Variants in NEGR1 observed in about 807,000 individuals in gnomAD.
NEGR1 encodes the protein IgLON family member 4.
In NEGR1, 10 loss-of-function variants were observed where a neutral mutation model predicts 40.9. That is an observed-to-expected ratio of 0.24 (90% CI 0.15 to 0.42). The LOEUF is 0.42. NEGR1 is among the 10% of genes least tolerant of loss of function. The pLI is 1.00. For missense variants in NEGR1, 352 were observed against 438.9 expected, an observed-to-expected ratio of 0.80 and a Z score of 1.77; for synonymous variants, 185 against 166.8, an observed-to-expected ratio of 1.11 and a Z score of -0.84.
intron 2 of NEGR1, among the ~76,000 whole-genome samples, chr1:71,837,641 G>A (rs7526542): frequency 0.35 from 52,905 of 151,740 alleles, 9,560 homozygotes; most frequent in East Asian, 0.62. Context: ...CCTATAATAA[G>A]TAAAGAGTAG....
chr1:72,220,312 A>G (rs937053522), intron 1 of NEGR1, among the ~76,000 whole-genome samples: 2 of 152,002 alleles, frequency 1.3e-5, no homozygotes, highest in Admixed American at 1.3e-4. Context: ...GATATCTCTC[A>G]GAATCCAAAG....
intron 1 of NEGR1, among the ~76,000 whole-genome samples, chr1:71,965,399 A>G (rs1167476506): frequency 1.3e-5 from 2 of 152,198 alleles, no homozygotes; most frequent in Non-Finnish European, 2.9e-5. Flanking sequence ...CACTATGCTT[A>G]GACAAAATTA....
At chr1:72,075,214 TAA>T (rs1160242115) in intron 1 of NEGR1, among the ~76,000 whole-genome samples, 11 of 152,176 alleles carry the variant, frequency 7.2e-5, no homozygotes. Context: ...ATTTTGTAAT[TAA>T]AGTTTTGAAA....
At chr1:71,426,855 GC>G (rs1207394687) in intron 6 of NEGR1, among the ~76,000 whole-genome samples, 1 of 152,118 alleles carries the variant, frequency 6.6e-6, no homozygotes, top group Admixed American at 6.6e-5. Flanking sequence ...CTTATTATGG[GC>G]TTAATTGCTT....
rs562319956 is a variant in NEGR1 at position 72,128,704 on chromosome 1, C to T, written c.176+153615G>A. On this transcript the variant is annotated intron_variant, in intron 1 of 6. Transcript: ENST00000357731. ...GGTTAATGTAACGTGTCAACTTCAC[C>T]GAACCAAGGGGTGCCCAAATATTTG... Among the ~76,000 whole-genome samples, 17 of 152,066 alleles carry T rather than the reference C, an allele frequency of 1.1e-4. No individual in the cohort carries two copies. In the East Asian group the frequency reaches 2.5e-3, roughly 23 times the overall value.
chr1:72,226,378 C>A (rs1033092190), intron 1 of NEGR1, among the ~76,000 whole-genome samples: 1 of 151,920 alleles, frequency 6.6e-6, no homozygotes, highest in Non-Finnish European at 1.5e-5. Flanking sequence ...CATATGTGTG[C>A]CATCTTTGTT....
intron 6 of NEGR1, among the ~76,000 whole-genome samples, chr1:71,586,270 G>A (rs146211418): frequency 1.0e-3 from 158 of 152,178 alleles, no homozygotes; most frequent in African/African-American, 3.6e-3. Flanking sequence ...CACCTATAAA[G>A]TGAAAAAACT....
intron 1 of NEGR1, among the ~76,000 whole-genome samples, chr1:72,009,260 G>T (rs1646636015): frequency 6.6e-6 from 1 of 151,976 alleles, no homozygotes; most frequent in East Asian, 1.9e-4. Context: ...TCAAACGTGT[G>T]GTTCCTTTAT....
At chr1:72,033,138 A>C (rs114437820) in intron 1 of NEGR1, among the ~76,000 whole-genome samples, 2,119 of 152,276 alleles carry the variant, frequency 0.014, 45 homozygotes, top group African/African-American at 0.048. Context: ...CTAAAAGCAC[A>C]AAATTAAACT....
chr1:71,935,508 G>GT (rs1179531780), intron 1 of NEGR1, among the ~76,000 whole-genome samples, 197 bp from the exon 2 acceptor site: 1 of 142,646 alleles, frequency 7.0e-6, no homozygotes, highest in Admixed American at 7.1e-5. Flanking sequence ...CTTGTGTACA[G>GT]TTTTTTTAAG....
At chr1:72,163,002 G>C (rs971404033) in intron 1 of NEGR1, among the ~76,000 whole-genome samples, 1 of 151,752 alleles carries the variant, frequency 6.6e-6, no homozygotes, top group Non-Finnish European at 1.5e-5. Context: ...ACAGATTGCT[G>C]GTGTTTAAAA....
At chr1:71,738,221 A>G in intron 3 of NEGR1, 1 of 201,312 alleles carries the variant, frequency 5.0e-6, no homozygotes. Flanking sequence ...TTTGTGAACG[A>G]AGTGGAATCC....
intron 1 of NEGR1, among the ~76,000 whole-genome samples, chr1:72,135,404 C>CAAAAAAAAAAAAAAAAAAAAAAAAAACA (rs562148946): frequency 1.5e-5 from 1 of 65,794 alleles, no homozygotes; most frequent in Non-Finnish European, 2.6e-5. Context: ...AAACAAAAAA[C>CAAAAAAAAAAAAAAAAAAAAAAAAAACA]AAAAAAAAAA....
rs762927832 is a variant in NEGR1 at position 71,928,049 on chromosome 1, C to CACGT, written c.409+7029_409+7030insACGT. ...AAATACACACACACACACACACACA[C>CACGT]GTATATATATACACACACACATATG... On this transcript the variant is annotated intron_variant, in intron 2 of 6. Coordinates refer to ENST00000357731, the MANE Select transcript of NEGR1 (RefSeq NM_173808.3). Among the ~76,000 whole-genome samples the CACGT allele has an allele frequency of 3.3e-3, 286 of 86,194 alleles. 21 individuals carry two copies. Among genetic ancestry groups the CACGT allele is most frequent in the African/African-American group, 0.013 (271 of 20,366 alleles). 56.5% of individuals were successfully genotyped at this position (86,194 alleles called of 152,430 possible).
At chr1:71,846,049 C>T (rs997706737) in intron 2 of NEGR1, among the ~76,000 whole-genome samples, 1 of 151,300 alleles carries the variant, frequency 6.6e-6, no homozygotes, top group African/African-American at 2.4e-5. Context: ...CAGGCATGGG[C>T]CACCACCCCC....
intron 2 of NEGR1, among the ~76,000 whole-genome samples, chr1:71,880,124 T>C (rs976822430): frequency 2.6e-5 from 4 of 152,052 alleles, no homozygotes; most frequent in Admixed American, 2.0e-4. Flanking sequence ...TCAGATTTCA[T>C]AATGGAGAGA....
At chr1:71,542,943 A>G (rs1284152547) in intron 6 of NEGR1, among the ~76,000 whole-genome samples, 2 of 151,746 alleles carry the variant, frequency 1.3e-5, no homozygotes, top group African/African-American at 4.8e-5. Flanking sequence ...GTGTACGTAT[A>G]TATAGCAGAA....
intron 4 of NEGR1, among the ~76,000 whole-genome samples, chr1:71,621,113 G>A (rs1445774884): frequency 2.0e-5 from 3 of 151,712 alleles, no homozygotes; most frequent in African/African-American, 7.3e-5. Context: ...TAAGACATGG[G>A]CAAAAAAGAA....
At chr1:71,623,596 A>C (rs1016465512) in intron 4 of NEGR1, among the ~76,000 whole-genome samples, 4 of 151,942 alleles carry the variant, frequency 2.6e-5, no homozygotes, top group Admixed American at 2.0e-4. Context: ...GGACACTTCT[A>C]TTTATGGAGA....
Sources: allele counts gnomAD v4.1 joint callset (sites outside exome capture counted in the v4.1 genomes callset), GRCh38; gene constraint gnomAD v4.1.1; transcripts MANE v1.5; gene names NCBI Gene and HGNC (gene_info 2026-07-23, HGNC 2026-07-21).